Variants in BMP7 observed in about 807,000 individuals in gnomAD.
BMP7 encodes bone morphogenetic protein 7.
In BMP7, 12 loss-of-function variants were observed where a neutral mutation model predicts 41.2. The observed-to-expected ratio is 0.29, with a 90% CI of 0.19 to 0.47. BMP7 has a LOEUF of 0.47. Among genes scored for constraint, BMP7 ranks in the 20% least tolerant of loss-of-function variants. The pLI is 0.99. For missense variants in BMP7, 467 were observed against 606.0 expected, an observed-to-expected ratio of 0.77 and a Z score of 2.41; for synonymous variants, 248 against 250.0, an observed-to-expected ratio of 0.99 and a Z score of 0.07.
At chr20:57,210,889 G>C (rs902526392) in intron 2 of BMP7, among the ~76,000 whole-genome samples, 1 of 152,198 alleles carries the variant, frequency 6.6e-6, no homozygotes, top group African/African-American at 2.4e-5. Flanking sequence ...TTTGTCTTGC[G>C]CATGGGCAGC....
chr20:57,232,152 C>T (rs1214992695), intron 1 of BMP7, among the ~76,000 whole-genome samples: 1 of 152,180 alleles, frequency 6.6e-6, no homozygotes, highest in African/African-American at 2.4e-5. Flanking sequence ...TTGGCTGTGC[C>T]ACTTACCAGC....
At chr20:57,206,339 G>A (rs1984731181) in intron 2 of BMP7, among the ~76,000 whole-genome samples, 1 of 152,148 alleles carries the variant, frequency 6.6e-6, no homozygotes, top group African/African-American at 2.4e-5. Context: ...CCAGCCCTAT[G>A]AAATGATCAA....
intron 3 of BMP7, among the ~76,000 whole-genome samples, chr20:57,196,918 T>C (rs1455655587): frequency 6.6e-6 from 1 of 152,138 alleles, no homozygotes; most frequent in Non-Finnish European, 1.5e-5. Context: ...ATTTTTTTTT[T>C]TGAGACAGAG....
rs140267227 is a variant in BMP7, at chr20:57,240,614, T to C, written c.419-12193A>G. 5.6e-3 allele frequency among the ~76,000 whole-genome samples: 796 copies of C among 142,796 alleles called. 1 individual carries two copies. Among genetic ancestry groups the C allele is most frequent in the Non-Finnish European group, 8.5e-3 (573 of 67,626 alleles). 93.7% of individuals were successfully genotyped at this position (142,796 alleles called of 152,430 possible). A position where few individuals can be genotyped will look rare whatever the true frequency, so the allele number is the denominator to read the frequency against. ...CATTTTCATGCTGCTGAAAAAGACA[T>C]ACCCGAGACTGGGAAGAAAAAGGTT... On this transcript the variant is annotated intron_variant, in intron 1 of 6. Transcript: ENST00000395863.
chr20:57,178,169 A>C (rs1983980015), intron 4 of BMP7: 1 of 152,376 alleles, frequency 6.6e-6, no homozygotes, highest in Non-Finnish European at 1.5e-5. Flanking sequence ...GTGGGGAGGC[A>C]TCCAAGGGCG....
chr20:57,179,321 A>G (rs1378987598), intron 4 of BMP7, among the ~76,000 whole-genome samples: 1 of 152,118 alleles, frequency 6.6e-6, no homozygotes, highest in African/African-American at 2.4e-5. Context: ...TGACGCCAGC[A>G]CCGGGATTCA....
intron 3 of BMP7, among the ~76,000 whole-genome samples, chr20:57,195,508 G>C (rs1220721150): frequency 2.6e-5 from 4 of 152,228 alleles, no homozygotes; most frequent in Admixed American, 1.3e-4. Context: ...GGGTCATCAG[G>C]CTTTCTCTTT....
chr20:57,236,319 A>G (rs969682425), intron 1 of BMP7, among the ~76,000 whole-genome samples: 1 of 152,196 alleles, frequency 6.6e-6, no homozygotes, highest in African/African-American at 2.4e-5. Flanking sequence ...ATATCAACAC[A>G]GGAGAGAGCG....
chr20:57,209,249 T>TTATTTATATATATATA (rs1555814046), intron 2 of BMP7, among the ~76,000 whole-genome samples: 3 of 94,876 alleles, frequency 3.2e-5, no homozygotes, highest in African/African-American at 1.0e-4. Flanking sequence ...TTATATATTT[T>TTATTTATATATATATA]TATATATATA....
At chr20:57,256,750 T>C (rs2066135729) in intron 1 of BMP7, among the ~76,000 whole-genome samples, 1 of 152,052 alleles carries the variant, frequency 6.6e-6, no homozygotes, top group African/African-American at 2.4e-5. Flanking sequence ...TAGCTGGGCG[T>C]GGTGGTGGGC....
At chr20:57,240,828 A>G (rs1047657713) in intron 1 of BMP7, among the ~76,000 whole-genome samples, 5 of 152,192 alleles carry the variant, frequency 3.3e-5, no homozygotes, top group Non-Finnish European at 7.3e-5. Flanking sequence ...ACTGGACTCC[A>G]TGATTCAATT....
At position 57,170,804 on chromosome 20, in the gene BMP7, G is replaced by T; in HGVS notation, c.*155C>A. On this transcript the variant is annotated 3_prime_UTR_variant, in exon 7 of 7. Coordinates refer to ENST00000395863, the MANE Select transcript of BMP7 (RefSeq NM_001719.3). ...CTGAAAAACTGATCAAAAGCCATAT[G>T]CTGCTCATGTTTCCTAATACTCTCA... 2 of 970,146 alleles carry T rather than the reference G, an allele frequency of 2.1e-6. No individual in the cohort carries two copies. Among genetic ancestry groups the T allele is most frequent in the Non-Finnish European group, 1.6e-6 (1 of 638,204 alleles). 60.1% of individuals were successfully genotyped at this position (970,146 alleles called of 1,614,324 possible). A position where few individuals can be genotyped will look rare whatever the true frequency, so the allele number is the denominator to read the frequency against.
At chr20:57,208,379 A>G (rs1984792172) in intron 2 of BMP7, among the ~76,000 whole-genome samples, 1 of 152,242 alleles carries the variant, frequency 6.6e-6, no homozygotes, top group African/African-American at 2.4e-5. Flanking sequence ...AATTGAAACC[A>G]CAGTGAGACA....
intron 2 of BMP7, among the ~76,000 whole-genome samples, chr20:57,223,354 T>G (rs1985236377): frequency 6.6e-6 from 1 of 152,136 alleles, no homozygotes; most frequent in Admixed American, 6.6e-5. Context: ...ACCTGGGAGC[T>G]TTTAAAGCAC....
At chr20:57,238,456 A>G (rs1305885491) in intron 1 of BMP7, among the ~76,000 whole-genome samples, 1 of 152,146 alleles carries the variant, frequency 6.6e-6, no homozygotes, top group Non-Finnish European at 1.5e-5. Context: ...CAAATCTTTC[A>G]GGGACATACC....
chr20:57,201,897 G>A (rs1053942290), intron 3 of BMP7, among the ~76,000 whole-genome samples: 2 of 152,204 alleles, frequency 1.3e-5, no homozygotes, highest in African/African-American at 4.8e-5. Context: ...ACTCACAATG[G>A]ATTCTCCAGG....
At chr20:57,202,774 GC>G (rs1984653554) in intron 2 of BMP7, 151 bp from the exon 3 acceptor site, 2 of 928,198 alleles carry the variant, frequency 2.2e-6, no homozygotes, top group Non-Finnish European at 3.2e-6. Context: ...CAAGATCCAG[GC>G]ACAAAGACCC....
intron 1 of BMP7, among the ~76,000 whole-genome samples, chr20:57,233,037 C>T (rs2066035004): frequency 6.6e-6 from 1 of 152,310 alleles, no homozygotes; most frequent in South Asian, 2.1e-4. Context: ...TGAATTGTTA[C>T]CACTACAAGA....
chr20:57,201,518 G>C (rs1984618821), intron 3 of BMP7, among the ~76,000 whole-genome samples: 1 of 152,256 alleles, frequency 6.6e-6, no homozygotes, highest in South Asian at 2.1e-4. Context: ...TGAAAAGACA[G>C]AAACAGCAGT....
Sources: gnomAD v4.1 joint callset for allele counts (sites outside exome capture counted in the v4.1 genomes callset) on GRCh38, gnomAD v4.1.1 for gene constraint, MANE v1.5 for transcripts, NCBI Gene and HGNC (gene_info 2026-07-23, HGNC 2026-07-21) for gene names.